USH2A: variants seen among roughly 807,000 people sequenced by gnomAD.
The protein encoded by USH2A is Usher syndrome 2A (autosomal recessive, mild).
USH2A carries 443 observed loss-of-function variants against 538.9 expected under a neutral mutation model. The observed-to-expected ratio is 0.82, with a 90% CI of 0.76 to 0.89. The LOEUF is 0.89. Ranked by LOEUF, USH2A falls within the 40% of genes least tolerant of loss-of-function variation. The pLI, the probability that USH2A is intolerant of heterozygous loss-of-function variation, is 0.00. For synonymous variants in USH2A, 2,413 were observed against 2,273.5 expected (o/e 1.06, Z -1.75); for missense variants, 6,633 against 6,324.8 (o/e 1.05, Z -1.65).
At chr1:216,406,587 T>C (rs1474075874) in intron 3 of USH2A, among the ~76,000 whole-genome samples, 1 of 152,176 alleles carries the variant, frequency 6.6e-6, no homozygotes, top group African/African-American at 2.4e-5. Flanking sequence ...TCAAAGTGTA[T>C]GGGGTCTTGT....
intron 38 of USH2A, among the ~76,000 whole-genome samples, chr1:215,919,874 A>T (rs1310352872): frequency 6.6e-6 from 1 of 152,052 alleles, no homozygotes; most frequent in East Asian, 1.9e-4. Flanking sequence ...TCCAGTCACT[A>T]GTTCTACAAT....
chr1:215,925,164 C>T (rs1301210137), intron 38 of USH2A, among the ~76,000 whole-genome samples: 1 of 151,978 alleles, frequency 6.6e-6, no homozygotes, highest in African/African-American at 2.4e-5. Flanking sequence ...GCAGGTTAAA[C>T]TATCAATTCC....
intron 21 of USH2A, among the ~76,000 whole-genome samples, chr1:216,118,291 T>C (rs576022767): frequency 6.6e-6 from 1 of 152,214 alleles, no homozygotes; most frequent in South Asian, 2.1e-4. Flanking sequence ...TTGGTATAAA[T>C]AGCAAAGAGC....
At chr1:215,942,126 G>A (rs535954268) in intron 37 of USH2A, among the ~76,000 whole-genome samples, 25 of 152,190 alleles carry the variant, frequency 1.6e-4, no homozygotes, top group African/African-American at 6.0e-4. Flanking sequence ...GGTGGTTGTT[G>A]ATAGTTTTCA....
intron 41 of USH2A, 85 bp downstream of exon 41, chr1:215,888,341 G>T: frequency 1.3e-6 from 2 of 1,591,920 alleles, no homozygotes; most frequent in Non-Finnish European, 1.7e-6. Flanking sequence ...CGTTTGTTTA[G>T]TCAGTAGATG....
At chr1:216,361,010 G>A (rs1051630983) in intron 4 of USH2A, among the ~76,000 whole-genome samples, 3 of 152,022 alleles carry the variant, frequency 2.0e-5, no homozygotes, top group African/African-American at 7.2e-5. Context: ...CATGTATGAA[G>A]TTACAGTAAT....
At chr1:216,348,009 T>G (rs997370260) in intron 4 of USH2A, among the ~76,000 whole-genome samples, 1 of 152,166 alleles carries the variant, frequency 6.6e-6, no homozygotes, top group African/African-American at 2.4e-5. Context: ...TTTAAAACTT[T>G]TTGCTTAAAA....
chr1:215,745,617 A>G (rs902782308), intron 58 of USH2A, among the ~76,000 whole-genome samples: 1 of 152,230 alleles, frequency 6.6e-6, no homozygotes, highest in Non-Finnish European at 1.5e-5. Flanking sequence ...ACAATACTGC[A>G]TGGTAAATAT....
chr1:215,902,837 A>T (rs1169163133), intron 38 of USH2A, among the ~76,000 whole-genome samples: 4 of 152,162 alleles, frequency 2.6e-5, no homozygotes, highest in African/African-American at 7.2e-5. Context: ...TTTAAGGAAC[A>T]GTGTGGCTAA....
At chr1:215,797,577 C>A (rs1662183250) in intron 50 of USH2A, among the ~76,000 whole-genome samples, 2 of 151,934 alleles carry the variant, frequency 1.3e-5, no homozygotes. Flanking sequence ...CTCTAGGGCC[C>A]TTAATAATTA....
At chr1:215,982,498 A>G (rs1325153146) in intron 35 of USH2A, among the ~76,000 whole-genome samples, 2 of 152,230 alleles carry the variant, frequency 1.3e-5, no homozygotes, top group Admixed American at 6.5e-5. Flanking sequence ...GTGGCACACT[A>G]TCTGTCATTA....
chr1:216,269,276 G>A (rs1486963454), intron 11 of USH2A, among the ~76,000 whole-genome samples: 2 of 151,984 alleles, frequency 1.3e-5, no homozygotes, highest in Admixed American at 6.6e-5. Context: ...TAAATCTCAC[G>A]AGATCTGATG....
At chr1:216,310,302 C>T (rs1250248771) in intron 9 of USH2A, among the ~76,000 whole-genome samples, 1 of 151,882 alleles carries the variant, frequency 6.6e-6, no homozygotes, top group Admixed American at 6.6e-5. Flanking sequence ...TTAAATATAT[C>T]AACTATACCT....
At chr1:216,350,081 T>C (rs577732386) in intron 4 of USH2A, among the ~76,000 whole-genome samples, 35 of 152,160 alleles carry the variant, frequency 2.3e-4, no homozygotes, top group Non-Finnish European at 4.4e-4. Flanking sequence ...ACATCACATG[T>C]GGAAAGCAGG....
chr1:215,693,406 T>C (rs141027870), intron 61 of USH2A, among the ~76,000 whole-genome samples: 2 of 152,240 alleles, frequency 1.3e-5, no homozygotes, highest in East Asian at 3.9e-4. Flanking sequence ...TTTGTATTGT[T>C]ATACATAAGG....
At chr1:216,198,686 G>T in intron 17 of USH2A, 102 bp from the exon 18 acceptor site, 1 of 1,060,976 alleles carries the variant, frequency 9.4e-7, no homozygotes. Context: ...GATATTCATT[G>T]TCTTTCTAAT....
rs2034958409 is a variant in USH2A at position 216,200,400 on chromosome 1, C to G, written c.3317-279G>C. ...TCATAGTGTCCTTTTGTTAGAAGGT[C>G]TAAGAGAAAGTCCTTGCGGTTCTCC... On this transcript the variant is annotated intron_variant, in intron 16 of 71. Transcript: ENST00000307340. Among the ~76,000 whole-genome samples the G allele has an allele frequency of 2.6e-5, 4 of 152,154 alleles. No homozygotes were observed. In the South Asian group the frequency reaches 8.3e-4, roughly 32 times the overall value.
Position 215,693,116 on chromosome 1 carries a change from G to GTATATATATATATA in USH2A, c.12067-12754_12067-12741dup, listed in dbSNP as rs1553253927. ...TATGTGTGTGTGTGTGTGTGTATGT[G>GTATATATATATATA]TATATATATATATATATACACACAC... On this transcript the variant is annotated intron_variant, in intron 61 of 71. Transcript: ENST00000307340. 9.1e-4 allele frequency among the ~76,000 whole-genome samples: 122 copies of GTATATATATATATA among 133,522 alleles called. No individual in the cohort carries two copies. The South Asian group carries it at 0.012, about 13-fold the overall frequency. The allele number at this position is 133,522 out of a possible 152,430, so 87.6% of individuals were successfully genotyped here.
In USH2A at chr1:216,150,660, C is replaced by T. The variant is rs144669974; in HGVS notation, c.4627+24592G>A. Among the ~76,000 whole-genome samples, 8 of 152,274 alleles carry T rather than the reference C, an allele frequency of 5.3e-5. 2 individuals are homozygous for T. In the South Asian group the frequency reaches 1.2e-3, roughly 24 times the overall value. ...ACAGGTTCAGCAAGACTTCCCCAGA[C>T]ATTTCACATCAGCAAGCTGCCGCCC... On this transcript the variant is annotated intron_variant, in intron 21 of 71. Coordinates refer to ENST00000307340, the MANE Select transcript of USH2A (RefSeq NM_206933.4).
Sources: allele counts gnomAD v4.1 joint callset (sites outside exome capture counted in the v4.1 genomes callset), GRCh38; gene constraint gnomAD v4.1.1; transcripts MANE v1.5; gene names NCBI Gene and HGNC (gene_info 2026-07-23, HGNC 2026-07-21).